Variants in RASA2 observed in about 807,000 individuals in gnomAD.
The protein encoded by RASA2 is RAS p21 protein activator 2.
A neutral mutation model predicts 118.2 loss-of-function variants in RASA2; 155 were observed. The observed-to-expected ratio is 1.31, with a 90% CI of 1.15 to 1.50. RASA2 has a LOEUF of 1.50. Among genes scored for constraint, RASA2 ranks in the 40% most tolerant of loss-of-function variants. RASA2 has a pLI of 0.00. For synonymous variants in RASA2, 353 were observed against 349.1 expected, an observed-to-expected ratio of 1.01 and a Z score of -0.12; for missense variants, 1,016 against 1,009.6, an observed-to-expected ratio of 1.01 and a Z score of -0.09.
intron 5 of RASA2, among the ~76,000 whole-genome samples, chr3:141,552,981 A>G (rs1266252734): frequency 1.3e-5 from 2 of 152,218 alleles, no homozygotes; most frequent in Non-Finnish European, 2.9e-5. Context: ...ACAAATCACT[A>G]AAGTTAGATT....
chr3:141,597,654 G>A (rs2083394345), intron 19 of RASA2, among the ~76,000 whole-genome samples: 1 of 151,642 alleles, frequency 6.6e-6, no homozygotes, highest in Non-Finnish European at 1.5e-5. Context: ...AAAAAAGAAA[G>A]GATAAAATCA....
At chr3:141,580,481 T>A in intron 16 of RASA2, 30 bp downstream of exon 16, 1 of 1,521,004 alleles carries the variant, frequency 6.6e-7, no homozygotes, top group Non-Finnish European at 9.1e-7. Flanking sequence ...ATTTTGTTTT[T>A]ACACTTCTAA....
intron 4 of RASA2, among the ~76,000 whole-genome samples, chr3:141,536,253 A>G (rs1320618398): frequency 2.0e-5 from 3 of 152,116 alleles, no homozygotes; most frequent in African/African-American, 4.8e-5. Flanking sequence ...GGCAAAAGAA[A>G]ATGAGAGAGA....
intron 9 of RASA2, among the ~76,000 whole-genome samples, chr3:141,563,725 C>A (rs375961162): frequency 1.3e-5 from 2 of 152,302 alleles, no homozygotes; most frequent in East Asian, 3.9e-4. Flanking sequence ...TAAGGTCACA[C>A]AGCTGGGATT....
At position 141,586,705 on chromosome 3, in the gene RASA2, G is replaced by A. The variant is rs1469875156; in HGVS notation, c.1886G>A (p.Arg629Gln). Reference protein sequence around the residue: ...TRIGKKNFKKRWFCLTSRELT... With the variant: ...TRIGKKNFKKQWFCLTSRELT... ...ATTGGAAAAAAGAATTTTAAGAAAC[G>A]ATGGTTCTGCTTAACAAGCAGAGAG... Residue 629 changes from arginine to glutamine, a missense_variant, in exon 19 of 24, where the codon CGA (arginine) becomes CAA (glutamine). Coordinates refer to ENST00000286364, the MANE Select transcript of RASA2 (RefSeq NM_006506.5). The A allele has an allele frequency of 5.0e-6, 8 of 1,613,570 alleles. No individual in the cohort carries two copies. Among genetic ancestry groups the A allele is most frequent in the South Asian group, 2.2e-5 (2 of 91,036 alleles).
chr3:141,556,483 T>A (rs1488614826), intron 7 of RASA2, among the ~76,000 whole-genome samples: 3 of 152,108 alleles, frequency 2.0e-5, no homozygotes, highest in Admixed American at 6.5e-5. Flanking sequence ...CTTTTTTTTT[T>A]AAGCCTAATT....
chr3:141,602,690 A>G (rs114917586), intron 19 of RASA2, among the ~76,000 whole-genome samples: 4,075 of 152,222 alleles, frequency 0.027, 194 homozygotes, highest in African/African-American at 0.094. Context: ...CTAGCTCCCT[A>G]GGGGGCCTCA....
intron 9 of RASA2, among the ~76,000 whole-genome samples, chr3:141,562,319 T>TAA (rs554671192): frequency 0.02 from 2,633 of 132,708 alleles, 29 homozygotes; most frequent in South Asian, 0.054. Context: ...TGTCTTCAGT[T>TAA]AAAAAAAAAA....
chr3:141,585,632 C>T (rs1465209654), intron 17 of RASA2, among the ~76,000 whole-genome samples: 1 of 151,906 alleles, frequency 6.6e-6, no homozygotes, highest in Non-Finnish European at 1.5e-5. Context: ...AACCCTGTCT[C>T]TACTAAAAAT....
intron 19 of RASA2, among the ~76,000 whole-genome samples, chr3:141,589,918 G>T (rs570189207): frequency 9.2e-5 from 14 of 152,240 alleles, no homozygotes; most frequent in African/African-American, 2.2e-4. Flanking sequence ...GAATGATGAG[G>T]CTACTAGAGG....
intron 23 of RASA2, among the ~76,000 whole-genome samples, chr3:141,611,842 C>G (rs1315645730): frequency 6.6e-6 from 1 of 152,110 alleles, no homozygotes; most frequent in African/African-American, 2.4e-5. Flanking sequence ...AATTGGTTCT[C>G]TTCCAACAGT....
At chr3:141,520,230 C>T (rs2082091483) in intron 3 of RASA2, among the ~76,000 whole-genome samples, 1 of 151,968 alleles carries the variant, frequency 6.6e-6, no homozygotes, top group Admixed American at 6.6e-5. Flanking sequence ...CCAGGCTGGT[C>T]TCGAACTCCT....
chr3:141,580,537 C>A, intron 16 of RASA2, 86 bp downstream of exon 16: 20 of 993,212 alleles, frequency 2.0e-5, no homozygotes, highest in Non-Finnish European at 2.5e-5. Context: ...TACCTTCTTC[C>A]AAATTAAAAA....
rs1401622510 is a variant in RASA2, at chr3:141,609,826, T to C, written c.2330-51T>C. The C allele has an allele frequency of 2.1e-6, 3 of 1,453,506 alleles. No homozygotes were observed. In the South Asian group the frequency reaches 4.6e-5, roughly 22 times the overall value. 90.0% of individuals were successfully genotyped at this position (1,453,506 alleles called of 1,614,324 possible). On this transcript the variant is annotated intron_variant, in intron 22 of 23. Transcript: ENST00000286364. ...ATTCTTATTTGTACTACATATTGCA[T>C]TTATAGAATTTAGTTGTCTGATCAG... is the stretch of plus-strand genomic sequence containing the variant.
chr3:141,597,740 A>T (rs1396506432), intron 19 of RASA2, among the ~76,000 whole-genome samples: 1 of 152,214 alleles, frequency 6.6e-6, no homozygotes, highest in Non-Finnish European at 1.5e-5. Context: ...AATAAAGATG[A>T]GAGTACAATC....
chr3:141,561,257 A>G (rs528498570), intron 9 of RASA2, among the ~76,000 whole-genome samples: 22 of 152,334 alleles, frequency 1.4e-4, no homozygotes, highest in African/African-American at 5.3e-4. Flanking sequence ...CACTCAGTAC[A>G]GAAGAGAAAA....
Position 141,533,269 on chromosome 3 carries a change from C to T in RASA2, c.450+3467C>T, listed in dbSNP as rs571537755. Reference sequence around the variant, plus strand: ...GGTTGGAGGAAAATTCACTGTAAGGCAGTCCACTTTAGGGCTTTGAGTAGG... The same window carrying T: ...GGTTGGAGGAAAATTCACTGTAAGGTAGTCCACTTTAGGGCTTTGAGTAGG... On this transcript the variant is annotated intron_variant, in intron 4 of 23. Transcript: ENST00000286364. Among the ~76,000 whole-genome samples the T allele has an allele frequency of 3.9e-5, 6 of 152,258 alleles. No homozygotes were observed. The East Asian group carries it at 1.2e-3, about 29-fold the overall frequency.
intron 15 of RASA2, 150 bp from the exon 16 acceptor site, chr3:141,580,218 C>T (rs2107769164): frequency 2.0e-6 from 1 of 496,036 alleles, no homozygotes; most frequent in South Asian, 3.7e-5. Context: ...GTGAGTTGTA[C>T]CCAGCCTTAG....
In RASA2 at chr3:141,613,585, A is replaced by G. The variant is rs1016524042; in HGVS notation, c.*1272A>G. On this transcript the variant is annotated 3_prime_UTR_variant, in exon 24 of 24. Coordinates refer to ENST00000286364, the MANE Select transcript of RASA2 (RefSeq NM_006506.5). ...TCTTTTTTAATTCAAAACATTTTCT[A>G]AATGTGGTACTTTGAACCTTGGAGT... 1.3e-5 allele frequency: 2 copies of G among 152,200 alleles called. No individual in the cohort carries two copies. Among genetic ancestry groups the G allele is most frequent in the Non-Finnish European group, 2.9e-5 (2 of 68,030 alleles). The allele number at this position is 152,200 out of a possible 1,614,324, so 9.4% of individuals were successfully genotyped here.
Sources: allele counts gnomAD v4.1 joint callset (sites outside exome capture counted in the v4.1 genomes callset), GRCh38; gene constraint gnomAD v4.1.1; transcripts MANE v1.5; gene names NCBI Gene and HGNC (gene_info 2026-07-23, HGNC 2026-07-21).